GSTO2: variants seen among roughly 807,000 people sequenced by gnomAD.
GSTO2 encodes the protein glutathione S-transferase omega-2.
A neutral mutation model predicts 28.4 loss-of-function variants in GSTO2; 23 were observed. The observed-to-expected ratio is 0.81, with a 90% CI of 0.58 to 1.15. The LOEUF (loss-of-function observed/expected upper bound fraction) is 1.15. GSTO2 is among the 50% of genes most tolerant of loss of function. The probability of loss-of-function intolerance (pLI) is 0.00; values close to 1 mark genes in which losing one functional copy is unlikely to be tolerated. For synonymous variants in GSTO2, 109 were observed against 111.0 expected, an observed-to-expected ratio of 0.98 and a Z score of 0.11; for missense variants, 298 against 297.8, an observed-to-expected ratio of 1.00 and a Z score of 0.00.
chr10:104,283,918 C>A (rs1038483389), intron 5 of GSTO2, among the ~76,000 whole-genome samples: 2 of 152,068 alleles, frequency 1.3e-5, no homozygotes, highest in African/African-American at 4.8e-5. Flanking sequence ...GCATAATCTT[C>A]TGCTATGTTA....
intron 5 of GSTO2, among the ~76,000 whole-genome samples, chr10:104,284,403 G>A (rs891408882): frequency 6.6e-6 from 1 of 152,036 alleles, no homozygotes; most frequent in African/African-American, 2.4e-5. Context: ...AAGATTTATT[G>A]TGCTTGTTAT....
chr10:104,294,135 C>T (rs1358912491), intron 5 of GSTO2, among the ~76,000 whole-genome samples: 3 of 152,182 alleles, frequency 2.0e-5, no homozygotes, highest in Non-Finnish European at 2.9e-5. Flanking sequence ...GTTTTCCTTC[C>T]TGGTTTTTGA....
At chr10:104,294,828 G>C (rs1016776727) in intron 5 of GSTO2, among the ~76,000 whole-genome samples, 4 of 152,088 alleles carry the variant, frequency 2.6e-5, no homozygotes, top group African/African-American at 7.2e-5. Context: ...ATATTTAGAG[G>C]CATGCTCCTA....
intron 1 of GSTO2, among the ~76,000 whole-genome samples, chr10:104,272,721 C>T (rs1361505706): frequency 6.7e-6 from 1 of 149,266 alleles, no homozygotes; most frequent in African/African-American, 2.5e-5. Context: ...TCACGCCGTT[C>T]TCCTGCCTCA....
rs761409403 is a variant in GSTO2, at chr10:104,279,352, C to T, written c.367-18C>T. 8.5e-5 allele frequency: 136 copies of T among 1,598,082 alleles called. 2 individuals are homozygous for T. The Admixed American group carries it at 2.2e-3, about 26-fold the overall frequency. On this transcript the variant is annotated intron_variant, in intron 4 of 6. Transcript: ENST00000338595. ...TTTCCACAGACTTCTCCACTGAGAA[C>T]CTGTGTCCTCTGATTAGGTCCCACA...
chr10:104,269,374 A>C (rs1159966805), intron 1 of GSTO2, 105 bp downstream of exon 1: 2 of 152,282 alleles, frequency 1.3e-5, no homozygotes, highest in African/African-American at 4.8e-5. Context: ...AGGCTTGCCA[A>C]CTTTAACTTT....
intron 5 of GSTO2, among the ~76,000 whole-genome samples, chr10:104,285,605 A>C (rs1161193510): frequency 6.6e-6 from 1 of 152,070 alleles, no homozygotes; most frequent in Non-Finnish European, 1.5e-5. Flanking sequence ...TCAGGCCACC[A>C]TGCCCAACTG....
At chr10:104,277,673 G>A (rs1310825429) in intron 3 of GSTO2, among the ~76,000 whole-genome samples, 1 of 152,122 alleles carries the variant, frequency 6.6e-6, no homozygotes, top group Non-Finnish European at 1.5e-5. Flanking sequence ...TACTTCAGGG[G>A]GAATTATGAG....
chr10:104,297,528 T>G (rs1389746884), intron 5 of GSTO2, 50 bp from the exon 6 acceptor site: 2 of 1,163,112 alleles, frequency 1.7e-6, no homozygotes, highest in African/African-American at 3.0e-5. Flanking sequence ...TCTATAAACA[T>G]GTCAGCAGAT....
intron 5 of GSTO2, among the ~76,000 whole-genome samples, chr10:104,284,559 C>T (rs2012299486): frequency 1.3e-5 from 2 of 152,192 alleles, no homozygotes; most frequent in African/African-American, 4.8e-5. Context: ...TCTTGTCTTG[C>T]TGCACTTTAT....
In GSTO2 at chr10:104,299,283, G is replaced by T. The variant is rs772924675; in HGVS notation, c.731G>T (p.Ter244LeuextTer40). 6.2e-7 allele frequency: 1 copy of T among 1,613,990 alleles called. No homozygotes were observed. The highest frequency in any genetic ancestry group is 8.5e-7 in the Non-Finnish European group (1 of 1,179,950). ...NPNAFDFGLC[*>L] ...AATGCCTTTGACTTTGGGCTGTGCTGAGTCTCACTGTCCACCCCTTCGCTG... is the reference window on the plus strand; with the variant it reads ...AATGCCTTTGACTTTGGGCTGTGCTTAGTCTCACTGTCCACCCCTTCGCTG... Residue 244 changes from the stop codon to leucine, a stop_lost, in exon 7 of 7, where the codon TGA becomes TTA. Transcript: ENST00000338595.
rs765318521 is a variant in GSTO2, at chr10:104,299,301, C to T, written c.*17C>T. 3 of 1,613,454 alleles carry T rather than the reference C, an allele frequency of 1.9e-6. No individual in the cohort carries two copies. In the South Asian group the frequency reaches 3.3e-5, roughly 18 times the overall value. On this transcript the variant is annotated 3_prime_UTR_variant, in exon 7 of 7. Coordinates refer to ENST00000338595, the MANE Select transcript of GSTO2 (RefSeq NM_183239.2). ...CTGTGCTGAGTCTCACTGTCCACCC[C>T]TTCGCTGTCCAGAATTCCCCAGCTT...
chr10:104,292,802 A>G (rs1701915179), intron 5 of GSTO2, among the ~76,000 whole-genome samples: 1 of 152,176 alleles, frequency 6.6e-6, no homozygotes, highest in South Asian at 2.1e-4. Context: ...CTCAACATAG[A>G]ATTCTTTAAA....
intron 1 of GSTO2, among the ~76,000 whole-genome samples, chr10:104,271,594 G>A (rs1239163028): frequency 6.6e-6 from 1 of 152,178 alleles, no homozygotes; most frequent in East Asian, 1.9e-4. Context: ...GGGCTCCAGG[G>A]CCTGTTCTGA....
chr10:104,274,066 C>T (rs749308807), intron 1 of GSTO2, among the ~76,000 whole-genome samples: 8 of 152,210 alleles, frequency 5.3e-5, no homozygotes, highest in Admixed American at 1.3e-4. Flanking sequence ...TATTATCTCA[C>T]GTAAACAGAA....
intron 5 of GSTO2, chr10:104,296,417 G>A (rs1368345056): frequency 6.6e-6 from 1 of 151,982 alleles, no homozygotes; most frequent in African/African-American, 2.4e-5. Context: ...GAGCTCAGGA[G>A]TTTGAGACCC....
intron 1 of GSTO2, 21 bp from the exon 2 acceptor site, chr10:104,274,664 T>C: frequency 1.7e-6 from 1 of 572,080 alleles, no homozygotes; most frequent in Non-Finnish European, 3.1e-6. Context: ...TGTTATTTTG[T>C]CTTGTTTTGT....
chr10:104,275,697 A>G (rs1017939886), intron 3 of GSTO2, among the ~76,000 whole-genome samples: 1 of 152,138 alleles, frequency 6.6e-6, no homozygotes, highest in South Asian at 2.1e-4. Context: ...ATCTTAGGTC[A>G]CTGTTTCCTT....
intron 5 of GSTO2, chr10:104,291,482 C>CTT (rs113754422): frequency 0.038 from 5,841 of 152,342 alleles, 403 homozygotes; most frequent in African/African-American, 0.13. Flanking sequence ...CTCGCGAAAA[C>CTT]TGCAGATTTC....
Sources: allele counts gnomAD v4.1 joint callset (sites outside exome capture counted in the v4.1 genomes callset), GRCh38; gene constraint gnomAD v4.1.1; transcripts MANE v1.5; gene names NCBI Gene and HGNC (gene_info 2026-07-23, HGNC 2026-07-21).